Variants in PRRX1 observed in about 807,000 individuals in gnomAD.
The protein encoded by PRRX1 is paired related homeobox 1.
In PRRX1, 8 loss-of-function variants were observed where a neutral mutation model predicts 24.0. That is an observed-to-expected ratio of 0.33 (90% CI 0.20 to 0.60). The LOEUF (loss-of-function observed/expected upper bound fraction) is 0.60, where lower values mean the gene tolerates loss of function less well. PRRX1 is among the 20% of genes least tolerant of loss of function. The pLI, the probability that PRRX1 is intolerant of heterozygous loss-of-function variation, is 0.82. For synonymous variants in PRRX1, 160 were observed against 131.7 expected, an observed-to-expected ratio of 1.22 and a Z score of -1.47; for missense variants, 281 against 322.4, an observed-to-expected ratio of 0.87 and a Z score of 0.98.
chr1:170,707,004 A>G (rs1654590393), intron 1 of PRRX1, among the ~76,000 whole-genome samples: 1 of 152,144 alleles, frequency 6.6e-6, no homozygotes, highest in Non-Finnish European at 1.5e-5. Context: ...GTGCAACTGC[A>G]GTCCCAGCTA....
In PRRX1 at chr1:170,739,158, C is replaced by A; in HGVS notation, c.*2972C>A. ...TCATGATACCAGATACAGGTGAATACATAGGAACTATCTGCCTGTGTCCTC... is the reference window on the plus strand; with the variant it reads ...TCATGATACCAGATACAGGTGAATAAATAGGAACTATCTGCCTGTGTCCTC... On this transcript the variant is annotated 3_prime_UTR_variant, in exon 4 of 4. Coordinates refer to ENST00000239461, the MANE Select transcript of PRRX1 (RefSeq NM_022716.4). 1 of 210,408 alleles carries A rather than the reference C, an allele frequency of 4.8e-6. No individual in the cohort carries two copies. Among genetic ancestry groups the A allele is most frequent in the Middle Eastern group, 1.6e-3 (1 of 630 alleles). 13.0% of individuals were successfully genotyped at this position (210,408 alleles called of 1,614,324 possible).
At chr1:170,689,821 TCTCTCTCTCTCTCTCTCC>T (rs1259934494) in intron 1 of PRRX1, among the ~76,000 whole-genome samples, 3,418 of 93,088 alleles carry the variant, frequency 0.037, 83 homozygotes, top group African/African-American at 0.085. Flanking sequence ...TCCGTCTCTC[TCTCTCTCTCTCTCTCTCC>T]CTCTCTCTCT....
chr1:170,662,897 C>T (rs1040850300), upstream of PRRX1: 4 of 152,142 alleles, frequency 2.6e-5, no homozygotes, highest in African/African-American at 9.7e-5. Context: ...AATGCCGAAG[C>T]AAAATAATCA....
chr1:170,664,088 C>CCTCTCTCTCTCTCTCTCTCT (rs58408113), upstream of PRRX1: 55,746 of 646,798 alleles, frequency 0.086, 1,885 homozygotes, highest in East Asian at 0.12. Context: ...CCTCTTCCTC[C>CCTCTCTCTCTCTCTCTCTCT]CTCTCTCTCT....
At chr1:170,692,162 T>G (rs1159349933) in intron 1 of PRRX1, among the ~76,000 whole-genome samples, 2 of 152,050 alleles carry the variant, frequency 1.3e-5, no homozygotes, top group Non-Finnish European at 2.9e-5. Context: ...CAGACCAAAA[T>G]TGAAGTTGGA....
At chr1:170,732,291 C>T (rs17551291) in intron 3 of PRRX1, among the ~76,000 whole-genome samples, 34,954 of 152,132 alleles carry the variant, frequency 0.23, 4,948 homozygotes, top group Middle Eastern at 0.41. Context: ...TAAAGCAGAA[C>T]GTCAGAAGTC....
intron 1 of PRRX1, among the ~76,000 whole-genome samples, chr1:170,692,760 C>CACACAG (rs1394319673): frequency 4.6e-5 from 7 of 151,894 alleles, no homozygotes; most frequent in African/African-American, 1.7e-4. Context: ...CACACACACA[C>CACACAG]ACAGACACAC....
Position 170,736,222 on chromosome 1 carries a change from C to G in PRRX1, c.*36C>G. 1 of 1,612,390 alleles carries G rather than the reference C, an allele frequency of 6.2e-7. No homozygotes were observed. The highest frequency in any genetic ancestry group is 8.5e-7 in the Non-Finnish European group (1 of 1,178,626). Reference sequence around the variant, plus strand: ...TAATTAAACAGGCCTAAGAAGAAATCAAAAACCATAAGACACCTATCCTGC... The same window carrying G: ...TAATTAAACAGGCCTAAGAAGAAATGAAAAACCATAAGACACCTATCCTGC... On this transcript the variant is annotated 3_prime_UTR_variant, in exon 4 of 4. Coordinates refer to ENST00000239461, the MANE Select transcript of PRRX1 (RefSeq NM_022716.4).
intron 1 of PRRX1, among the ~76,000 whole-genome samples, chr1:170,673,121 G>A (rs1363353921): frequency 6.6e-6 from 1 of 152,092 alleles, no homozygotes; most frequent in Non-Finnish European, 1.5e-5. Flanking sequence ...GGAGATTTAG[G>A]TTTTGGGGAC....
At chr1:170,705,606 T>C (rs957766221) in intron 1 of PRRX1, among the ~76,000 whole-genome samples, 4 of 152,116 alleles carry the variant, frequency 2.6e-5, no homozygotes, top group African/African-American at 9.7e-5. Context: ...TTAAAATATA[T>C]ATTTTTTGTT....
intron 1 of PRRX1, among the ~76,000 whole-genome samples, chr1:170,703,210 T>C (rs1654449720): frequency 6.6e-6 from 1 of 152,214 alleles, no homozygotes; most frequent in Non-Finnish European, 1.5e-5. Flanking sequence ...AGGAAGAAAA[T>C]TTTATAACCT....
At chr1:170,665,362 A>C (rs1193432020) in intron 1 of PRRX1, among the ~76,000 whole-genome samples, 1 of 152,224 alleles carries the variant, frequency 6.6e-6, no homozygotes, top group Non-Finnish European at 1.5e-5. Flanking sequence ...TGCCTTAAAA[A>C]GAGACTGCAA....
chr1:170,673,870 G>A (rs1653219806), intron 1 of PRRX1, among the ~76,000 whole-genome samples: 1 of 152,090 alleles, frequency 6.6e-6, no homozygotes, highest in Admixed American at 6.5e-5. Context: ...TACTGTTTAA[G>A]TCTCTATCCT....
At chr1:170,676,719 T>C (rs1284080107) in intron 1 of PRRX1, among the ~76,000 whole-genome samples, 1 of 152,170 alleles carries the variant, frequency 6.6e-6, no homozygotes, top group African/African-American at 2.4e-5. Flanking sequence ...CTGACCCCAT[T>C]TTATTTATTT....
intron 1 of PRRX1, among the ~76,000 whole-genome samples, chr1:170,690,384 C>T (rs1376526749): frequency 6.6e-6 from 1 of 152,082 alleles, no homozygotes; most frequent in Non-Finnish European, 1.5e-5. Flanking sequence ...GAGATATGAA[C>T]TATAAGCTGA....
intron 1 of PRRX1, among the ~76,000 whole-genome samples, chr1:170,701,734 A>G (rs767009804): frequency 5.2e-4 from 79 of 152,320 alleles, no homozygotes; most frequent in Non-Finnish European, 9.6e-4. Context: ...TTTAATTGAC[A>G]CATTGTAATT....
rs561133714 is a variant in PRRX1 at position 170,736,671 on chromosome 1, C to T, written c.*485C>T. 23 of 195,036 alleles carry T rather than the reference C, an allele frequency of 1.2e-4. No homozygotes were observed. Among genetic ancestry groups the T allele is most frequent in the African/African-American group, 4.0e-4 (17 of 42,906 alleles). The allele number at this position is 195,036 out of a possible 1,614,324, so 12.1% of individuals were successfully genotyped here. On this transcript the variant is annotated 3_prime_UTR_variant, in exon 4 of 4. Transcript: ENST00000239461. ...TCTTTATAGAAGCTCTAGGAGCTTT[C>T]GAAAAGCCAAAGTCTTTCTGAAGAA...
rs1558049688 is a variant in PRRX1 at position 170,689,839 on chromosome 1, C to CTCTCTCTCTCTCT, written c.241+25380_241+25381insTCTCTCTCTCTCT. 5.0e-4 allele frequency among the ~76,000 whole-genome samples: 46 copies of CTCTCTCTCTCTCT among 91,642 alleles called. 3 individuals carry two copies. Among genetic ancestry groups the CTCTCTCTCTCTCT allele is most frequent in the African/African-American group, 1.8e-3 (44 of 24,710 alleles). 60.1% of individuals were successfully genotyped at this position (91,642 alleles called of 152,430 possible). On this transcript the variant is annotated intron_variant, in intron 1 of 3. Transcript: ENST00000239461. ...GTCTCTCTCTCTCTCTCTCTCTCTCCCTCTCTCTCTCTCTCTCTCTCTCTC... is the reference window on the plus strand; with the variant it reads ...GTCTCTCTCTCTCTCTCTCTCTCTCCTCTCTCTCTCTCTCTCTCTCTCTCTCTCTCTCTCTCTC...
chr1:170,720,427 TA>T (rs748325248), intron 2 of PRRX1, among the ~76,000 whole-genome samples: 4 of 152,166 alleles, frequency 2.6e-5, no homozygotes, highest in Admixed American at 6.5e-5. Context: ...TTTTTTTAAA[TA>T]AAATTGAATG....
Sources: allele counts gnomAD v4.1 joint callset (sites outside exome capture counted in the v4.1 genomes callset), GRCh38; gene constraint gnomAD v4.1.1; transcripts MANE v1.5; gene names NCBI Gene and HGNC (gene_info 2026-07-23, HGNC 2026-07-21).